Variants in UBR3 observed in about 807,000 individuals in gnomAD.
UBR3 encodes ubiquitin protein ligase E3 component n-recognin 3, also known as E3 ubiquitin-protein ligase UBR3.
In UBR3, 85 loss-of-function variants were observed where a neutral mutation model predicts 243.2. The ratio of observed to expected loss-of-function variants is 0.35; its 90% confidence interval spans 0.29 to 0.42. UBR3 has a LOEUF of 0.42. UBR3 is among the 10% of genes least tolerant of loss of function. The probability of loss-of-function intolerance (pLI) is 1.00; values close to 1 mark genes in which losing one functional copy is unlikely to be tolerated. For synonymous variants in UBR3, 748 were observed against 799.8 expected (o/e 0.94, Z 1.09); for missense variants, 1,686 against 2,300.8 (o/e 0.73, Z 5.47).
At chr2:169,888,114 T>TTTATTTAC (rs1158058562) in intron 5 of UBR3, among the ~76,000 whole-genome samples, 2 of 35,366 alleles carry the variant, frequency 5.7e-5, no homozygotes, top group African/African-American at 1.2e-4. Context: ...TATGACTTTA[T>TTTATTTAC]TTATTTATTT....
rs1438956191 is a variant in UBR3, at chr2:170,042,359, A to G, written c.4660+1374A>G. On this transcript the variant is annotated intron_variant, in intron 32 of 38. Coordinates refer to ENST00000272793, the MANE Select transcript of UBR3 (RefSeq NM_172070.4). ...TATGGATATACAACATGGTTTATCC[A>G]CTTGTCAGTTGATGGACATTTGGGT... 3.9e-5 allele frequency among the ~76,000 whole-genome samples: 6 copies of G among 152,070 alleles called. No individual in the cohort carries two copies. The East Asian group carries it at 1.2e-3, about 29-fold the overall frequency.
At chr2:170,018,736 G>A (rs1340404136) in intron 30 of UBR3, among the ~76,000 whole-genome samples, 1 of 152,132 alleles carries the variant, frequency 6.6e-6, no homozygotes, top group African/African-American at 2.4e-5. Flanking sequence ...TTACAAATTC[G>A]TATATACAGT....
In UBR3 at chr2:170,035,896, C is replaced by A. The variant is rs552198541; in HGVS notation, c.4557-4986C>A. ...TGCATATTTTTTTGCTAGATTTATA[C>A]CTAAGTATTTTATTGGGGGGGGGGT... is the stretch of plus-strand genomic sequence containing the variant. On this transcript the variant is annotated intron_variant, in intron 31 of 38. Coordinates refer to ENST00000272793, the MANE Select transcript of UBR3 (RefSeq NM_172070.4). Among the ~76,000 whole-genome samples, 29 of 93,534 alleles carry A rather than the reference C, an allele frequency of 3.1e-4. No individual in the cohort carries two copies. The South Asian group carries it at 0.012, about 39-fold the overall frequency. The allele number at this position is 93,534 out of a possible 152,430, so 61.4% of individuals were successfully genotyped here.
In UBR3 at chr2:169,856,187, C is replaced by G. The variant is rs576311229; in HGVS notation, c.546-16049C>G. On this transcript the variant is annotated intron_variant, in intron 1 of 38. Transcript: ENST00000272793. ...GGCGGGGCAGAGACACTCCTCAGTT[C>G]CCAGACGGGGTCGCGGCCGGGCAGA... Among the ~76,000 whole-genome samples, 682 of 152,014 alleles carry G rather than the reference C, an allele frequency of 4.5e-3. 6 individuals are homozygous for G. The highest frequency in any genetic ancestry group is 0.015 in the African/African-American group (641 of 41,434).
At chr2:170,074,166 A>G (rs918053539) in intron 36 of UBR3, among the ~76,000 whole-genome samples, 3 of 152,130 alleles carry the variant, frequency 2.0e-5, no homozygotes, top group Non-Finnish European at 2.9e-5. Context: ...TTGGGGAGTA[A>G]TTCTGGTGTC....
chr2:169,987,398 A>AAAAAAAAAAAAC (rs2089064727), intron 25 of UBR3, among the ~76,000 whole-genome samples: 1 of 150,448 alleles, frequency 6.6e-6, no homozygotes, highest in Non-Finnish European at 1.5e-5. Context: ...GTCTCAAAAA[A>AAAAAAAAAAAAC]AAAAAAAAAA....
intron 24 of UBR3, among the ~76,000 whole-genome samples, chr2:169,978,853 C>T (rs1049304568): frequency 2.0e-5 from 3 of 152,050 alleles, no homozygotes; most frequent in African/African-American, 7.2e-5. Context: ...AGGAATGTCT[C>T]AGCTCAGCCA....
At chr2:169,919,700 C>T (rs2085613875) in intron 11 of UBR3, among the ~76,000 whole-genome samples, 1 of 152,156 alleles carries the variant, frequency 6.6e-6, no homozygotes, top group African/African-American at 2.4e-5. Context: ...CCAAAAGACA[C>T]ATGAAAAAAT....
At chr2:169,997,818 CAT>C (rs2089552257) in intron 26 of UBR3, among the ~76,000 whole-genome samples, 3 of 152,078 alleles carry the variant, frequency 2.0e-5, no homozygotes, top group Non-Finnish European at 4.4e-5. Context: ...CCATGGTTTT[CAT>C]GGTCTCAGAA....
intron 36 of UBR3, 111 bp downstream of exon 36, chr2:170,073,718 A>G: frequency 2.6e-6 from 3 of 1,160,858 alleles, no homozygotes; most frequent in Non-Finnish European, 3.5e-6. Flanking sequence ...CAATTATAAA[A>G]CTTGATTAAA....
At chr2:169,836,057 ATATATATATAT>A (rs2082093785) in intron 1 of UBR3, among the ~76,000 whole-genome samples, 1 of 41,850 alleles carries the variant, frequency 2.4e-5, no homozygotes, top group African/African-American at 7.0e-5. Flanking sequence ...ATATATATAT[ATATATATATAT>A]TTTTTTTTTT....
intron 1 of UBR3, among the ~76,000 whole-genome samples, chr2:169,860,072 A>G (rs2083036779): frequency 6.6e-6 from 1 of 152,074 alleles, no homozygotes; most frequent in African/African-American, 2.4e-5. Context: ...TTCTATTTCC[A>G]TCATTATGCT....
In UBR3 at chr2:169,980,617, C is replaced by CT. The variant is rs1170347862; in HGVS notation, c.3635-6017dup. On this transcript the variant is annotated intron_variant, in intron 24 of 38. Transcript: ENST00000272793. ...ACACCCATTGCCCAGATCTTGGTTT[C>CT]TTTTTTTTTTTAATTATACTTTAAG... Among the ~76,000 whole-genome samples the CT allele has an allele frequency of 9.1e-3, 1,309 of 144,400 alleles. 11 individuals are homozygous for CT. Among genetic ancestry groups the CT allele is most frequent in the Non-Finnish European group, 0.013 (880 of 65,204 alleles). The allele number at this position is 144,400 out of a possible 152,430, so 94.7% of individuals were successfully genotyped here.
At chr2:169,873,039 A>G (rs572046619) in intron 2 of UBR3, among the ~76,000 whole-genome samples, 2 of 152,250 alleles carry the variant, frequency 1.3e-5, no homozygotes, top group South Asian at 2.1e-4. Context: ...CATTAGTAGT[A>G]TGAATCAAAT....
intron 32 of UBR3, among the ~76,000 whole-genome samples, chr2:170,051,252 C>T (rs1188863613): frequency 6.6e-6 from 1 of 151,966 alleles, no homozygotes; most frequent in African/African-American, 2.4e-5. Context: ...GACAAATGGA[C>T]TAAAACCAGA....
At chr2:169,846,634 CA>C (rs995423319) in intron 1 of UBR3, among the ~76,000 whole-genome samples, 9 of 150,712 alleles carry the variant, frequency 6.0e-5, no homozygotes, top group African/African-American at 2.2e-4. Context: ...CGCTTGAACC[CA>C]GGAGGTGGAG....
chr2:169,953,492 T>A (rs1329460031), intron 23 of UBR3, among the ~76,000 whole-genome samples: 1 of 152,230 alleles, frequency 6.6e-6, no homozygotes, highest in African/African-American at 2.4e-5. Flanking sequence ...CTTCAATGTC[T>A]TTAACCCAGG....
At chr2:169,859,845 T>C (rs2083026781) in intron 1 of UBR3, among the ~76,000 whole-genome samples, 1 of 152,088 alleles carries the variant, frequency 6.6e-6, no homozygotes, top group Non-Finnish European at 1.5e-5. Context: ...GGCTCCTGAG[T>C]AGCTGGGACT....
chr2:169,889,045 T>C (rs1378564912), intron 5 of UBR3, among the ~76,000 whole-genome samples: 1 of 152,214 alleles, frequency 6.6e-6, no homozygotes, highest in Non-Finnish European at 1.5e-5. Context: ...ATTGCCAAAT[T>C]GCCATTCAGG....
Sources: gnomAD v4.1 joint callset for allele counts (sites outside exome capture counted in the v4.1 genomes callset) on GRCh38, gnomAD v4.1.1 for gene constraint, MANE v1.5 for transcripts, NCBI Gene and HGNC (gene_info 2026-07-23, HGNC 2026-07-21) for gene names.